The following PIEZO2 variants were observed in gnomAD, a reference collection of about 807,000 sequenced individuals.
PIEZO2 encodes piezo-type mechanosensitive ion channel component 2.
Under a neutral mutation model 337.3 loss-of-function variants are expected in PIEZO2, and 172 were observed. The ratio of observed to expected loss-of-function variants is 0.51; its 90% CI spans 0.45 to 0.58. The LOEUF (loss-of-function observed/expected upper bound fraction) is 0.58. Among genes scored for constraint, PIEZO2 ranks in the 20% least tolerant of loss-of-function variants. The probability of loss-of-function intolerance (pLI) is 0.00; values close to 1 mark genes in which losing one functional copy is unlikely to be tolerated. For synonymous variants in PIEZO2, 1,251 were observed against 1,228.5 expected, an observed-to-expected ratio of 1.02 and a Z score of -0.38; for missense variants, 3,028 against 3,391.3, an observed-to-expected ratio of 0.89 and a Z score of 2.66.
chr18:11,018,382 C>CGTGTGTGTGTGTGTGT lies in PIEZO2; in HGVS notation c.161-38738_161-38723dup, dbSNP rs376013388. On this transcript the variant is annotated intron_variant, in intron 2 of 55. Transcript: ENST00000674853. Reference sequence around the variant, plus strand: ...CTGGGGGTTAGGACTCCCAACATGTCGTGTGTGTGTGTGTGTGTGTGTGTG... The same window carrying CGTGTGTGTGTGTGTGT: ...CTGGGGGTTAGGACTCCCAACATGTCGTGTGTGTGTGTGTGTGTGTGTGTGTGTGTGTGTGTGTGTG... Among the ~76,000 whole-genome samples, 57 of 114,198 alleles carry CGTGTGTGTGTGTGTGT rather than the reference C, an allele frequency of 5.0e-4. No homozygotes were observed. In the East Asian group the frequency reaches 6.3e-3, roughly 13 times the overall value. 74.9% of individuals were successfully genotyped at this position (114,198 alleles called of 152,430 possible).
chr18:11,105,617 A>AGTCT lies in PIEZO2; in HGVS notation c.65-39399_65-39396dup, dbSNP rs1208226512. On this transcript the variant is annotated intron_variant, in intron 1 of 55. Coordinates refer to ENST00000674853, the MANE Select transcript of PIEZO2 (RefSeq NM_001378183.1). This position sits in a 1 kb window ranked among gnomAD's most constrained non-coding sequence, Gnocchi z 4.3. Reference sequence around the variant, plus strand: ...ACTATAATCACCTGCACAGTGCTGGAGTCTGACCACATGGTCCCACAGAAG... The same window carrying AGTCT: ...ACTATAATCACCTGCACAGTGCTGGAGTCTGTCTGACCACATGGTCCCACAGAAG... Among the ~76,000 whole-genome samples, 1 of 152,116 alleles carries AGTCT rather than the reference A, an allele frequency of 6.6e-6. No individual in the cohort carries two copies. Among genetic ancestry groups the AGTCT allele is most frequent in the African/African-American group, 2.4e-5 (1 of 41,404 alleles).
At position 10,767,936 on chromosome 18, in the gene PIEZO2, C is replaced by A. The variant is rs1463112390; in HGVS notation, c.2946+2212G>T. 6.6e-6 allele frequency among the ~76,000 whole-genome samples: 1 copy of A among 152,216 alleles called. No individual in the cohort carries two copies. Among genetic ancestry groups the A allele is most frequent in the African/African-American group, 2.4e-5 (1 of 41,464 alleles). ...CCAGTTGCCAGCCCAGAGCGTGAGG[C>A]CATCATGGGATGGCACAGGCCAAGT... On this transcript the variant is annotated intron_variant, in intron 21 of 55. Transcript: ENST00000674853. This position sits in a 1 kb window ranked among gnomAD's most constrained non-coding sequence, Gnocchi z 4.2.
intron 2 of PIEZO2, among the ~76,000 whole-genome samples, chr18:11,065,553 C>T (rs1318501623): frequency 6.6e-6 from 1 of 152,138 alleles, no homozygotes; most frequent in African/African-American, 2.4e-5. Flanking sequence ...TATAGAGTAA[C>T]CAGAATGGGA....
At position 11,111,999 on chromosome 18, in the gene PIEZO2, T is replaced by C. The variant is rs1318612048; in HGVS notation, c.64+36526A>G. 6.6e-6 allele frequency among the ~76,000 whole-genome samples: 1 copy of C among 152,108 alleles called. No individual in the cohort carries two copies. Among genetic ancestry groups the C allele is most frequent in the Non-Finnish European group, 1.5e-5 (1 of 68,006 alleles). Reference sequence around the variant, plus strand: ...GGTTCTGACTTAAGAGGGAAAATGGTAGGGGAGCCGTGAATGAAGTTTCAT... The same window carrying C: ...GGTTCTGACTTAAGAGGGAAAATGGCAGGGGAGCCGTGAATGAAGTTTCAT... On this transcript the variant is annotated intron_variant, in intron 1 of 55. Transcript: ENST00000674853. This position sits in a 1 kb window ranked among gnomAD's most constrained non-coding sequence, Gnocchi z 6.2.
In PIEZO2 at chr18:10,888,409, AAG is replaced by A. The variant is rs1352212361; in HGVS notation, c.330-16996_330-16995del. Among the ~76,000 whole-genome samples the A allele has an allele frequency of 1.3e-5, 2 of 152,068 alleles. No homozygotes were observed. Among genetic ancestry groups the A allele is most frequent in the African/African-American group, 4.8e-5 (2 of 41,390 alleles). ...GCCTGTCTTCTACTTTCTCTGCTCC[AAG>A]CCTTTCTACTCTCTGGGCTCCATTC... is the stretch of plus-strand genomic sequence containing the variant. On this transcript the variant is annotated intron_variant, in intron 4 of 55. Coordinates refer to ENST00000674853, the MANE Select transcript of PIEZO2 (RefSeq NM_001378183.1). This position sits in a 1 kb window ranked among gnomAD's most constrained non-coding sequence, Gnocchi z 4.1.
At chr18:10,791,156 T>C in intron 14 of PIEZO2, 45 bp downstream of exon 14, 2 of 1,478,604 alleles carry the variant, frequency 1.4e-6, no homozygotes, top group African/African-American at 1.4e-5. Flanking sequence ...CTCTGTAATT[T>C]TGCTGAGCAC....
At position 10,705,431 on chromosome 18, in the gene PIEZO2, T is replaced by C; in HGVS notation, c.5904A>G (p.Ala1968=). ...QDDSAGKNRM[A]VSPDDSRTDK... is the part of the protein sequence containing the mutation. ...CGGTGCGGCTGTCGTCCGGGCTGAC[T>C]GCCATACGGTTCTTGCCTGCAGAGT... The change falls in exon 41 of 56, where the codon GCA becomes GCG. Residue 1968 remains alanine, a synonymous_variant. Coordinates refer to ENST00000674853, the MANE Select transcript of PIEZO2 (RefSeq NM_001378183.1). The C allele has an allele frequency of 6.5e-7, 1 of 1,537,252 alleles. No individual in the cohort carries two copies.
rs2052715704 is a variant in PIEZO2 at position 11,009,543 on chromosome 18, A to G, written c.161-29883T>C. Among the ~76,000 whole-genome samples the G allele has an allele frequency of 6.6e-6, 1 of 152,232 alleles. No individual in the cohort carries two copies. The highest frequency in any genetic ancestry group is 2.4e-5 in the African/African-American group (1 of 41,472). On this transcript the variant is annotated intron_variant, in intron 2 of 55. Transcript: ENST00000674853. The surrounding 1 kb of genome is among the most constrained non-coding windows in gnomAD (Gnocchi z 4.6). ...TGAGAGTAGCAGCACCTTTCTTCTT[A>G]TTAAACATTTAAGTAAGTCTCACTT...
At chr18:10,997,237 C>T (rs1270900314) in intron 2 of PIEZO2, among the ~76,000 whole-genome samples, 1 of 148,906 alleles carries the variant, frequency 6.7e-6, no homozygotes, top group South Asian at 2.1e-4. Context: ...ACCAGATTGA[C>T]TGCCTGCAAA....
At chr18:10,898,382 G>C (rs1306212335) in intron 4 of PIEZO2, among the ~76,000 whole-genome samples, 8 of 151,750 alleles carry the variant, frequency 5.3e-5, no homozygotes, top group East Asian at 1.9e-4. Context: ...AATTGCGCCA[G>C]TGCACTCCAG....
In PIEZO2 at chr18:11,128,717, T is replaced by C. The variant is rs2040257217; in HGVS notation, c.64+19808A>G. On this transcript the variant is annotated intron_variant, in intron 1 of 55. Transcript: ENST00000674853. This position sits in a 1 kb window ranked among gnomAD's most constrained non-coding sequence, Gnocchi z 4.1. ...AGCCTCCCCCAACACCTCTGTTTGC[T>C]TCTAGACCTATAAATAGACTAAAGT... Among the ~76,000 whole-genome samples the C allele has an allele frequency of 6.6e-6, 1 of 152,172 alleles. No homozygotes were observed. The highest frequency in any genetic ancestry group is 6.5e-5 in the Admixed American group (1 of 15,278).
In PIEZO2 at chr18:11,109,731, A is replaced by G. The variant is rs116180037; in HGVS notation, c.64+38794T>C. On this transcript the variant is annotated intron_variant, in intron 1 of 55. Coordinates refer to ENST00000674853, the MANE Select transcript of PIEZO2 (RefSeq NM_001378183.1). The surrounding 1 kb of genome is among the most constrained non-coding windows in gnomAD (Gnocchi z 5.1). ...AGACTCCATCTCAAAAAAAAAAGGT[A>G]CTAGAAACAGAATCCTTAATGCTAA... Among the ~76,000 whole-genome samples the G allele has an allele frequency of 0.011, 1,662 of 152,158 alleles. 24 individuals are homozygous for G. Among genetic ancestry groups the G allele is most frequent in the African/African-American group, 0.038 (1,558 of 41,506 alleles).
intron 27 of PIEZO2, among the ~76,000 whole-genome samples, 163 bp from the exon 28 acceptor site, chr18:10,753,042 G>C (rs562657029): frequency 5.3e-5 from 8 of 152,204 alleles, no homozygotes; most frequent in African/African-American, 1.7e-4. Flanking sequence ...CCCTCAAATA[G>C]TTAGTAATAG....
intron 4 of PIEZO2, among the ~76,000 whole-genome samples, chr18:10,885,745 G>A (rs2042561320): frequency 6.6e-6 from 1 of 152,072 alleles, no homozygotes; most frequent in Non-Finnish European, 1.5e-5. Flanking sequence ...TTCGCTTCTC[G>A]CTTTCCTGAA....
chr18:10,701,577 G>C (rs1215307929), intron 43 of PIEZO2, among the ~76,000 whole-genome samples: 2 of 152,240 alleles, frequency 1.3e-5, no homozygotes, highest in Non-Finnish European at 2.9e-5. Flanking sequence ...ATGGAGATGA[G>C]ACAATATGAT....
rs1441834935 is a variant in PIEZO2 at position 10,757,523 on chromosome 18, GATGGGGATGAGGATGAGCT to G, written c.3923+427_3923+445del. On this transcript the variant is annotated intron_variant, in intron 27 of 55. Coordinates refer to ENST00000674853, the MANE Select transcript of PIEZO2 (RefSeq NM_001378183.1). ...GGAGAGACAGAAGATGAGGAGGAGG[GATGGGGATGAGGATGAGCT>G]ATGGGGATGAGGATGAGCTATGGGG... 7.1e-3 allele frequency among the ~76,000 whole-genome samples: 249 copies of G among 35,292 alleles called. 2 individuals are homozygous for G. The highest frequency in any genetic ancestry group is 1.9e-3 in the Non-Finnish European group (34 of 18,276). The allele number at this position is 35,292 out of a possible 152,430, so 23.2% of individuals were successfully genotyped here. A position where few individuals can be genotyped will look rare whatever the true frequency, so the allele number is the denominator to read the frequency against.
intron 3 of PIEZO2, among the ~76,000 whole-genome samples, chr18:10,971,791 T>A (rs1236038020): frequency 6.6e-6 from 1 of 152,146 alleles, no homozygotes; most frequent in African/African-American, 2.4e-5. Context: ...CAATTCTGCA[T>A]AAAATTTTCC....
In PIEZO2 at chr18:11,040,490, G is replaced by C. The variant is rs368467146; in HGVS notation, c.160+25637C>G. ...GCAATTCTGTGGTATAATTAAATTAGCTACATAAGGGGATGTTTTGTTGCT... is the reference window on the plus strand; with the variant it reads ...GCAATTCTGTGGTATAATTAAATTACCTACATAAGGGGATGTTTTGTTGCT... On this transcript the variant is annotated intron_variant, in intron 2 of 55. Coordinates refer to ENST00000674853, the MANE Select transcript of PIEZO2 (RefSeq NM_001378183.1). Among the ~76,000 whole-genome samples the C allele has an allele frequency of 2.6e-5, 4 of 152,310 alleles. No homozygotes were observed. The East Asian group carries it at 7.7e-4, about 29-fold the overall frequency.
chr18:11,114,428 G>A (rs560717541), intron 1 of PIEZO2, among the ~76,000 whole-genome samples: 1 of 152,332 alleles, frequency 6.6e-6, no homozygotes, highest in East Asian at 1.9e-4. Context: ...CACTTTGGGA[G>A]GCCGAGGCAG....
Sources: gnomAD v4.1 joint callset for allele counts (sites outside exome capture counted in the v4.1 genomes callset) on GRCh38, gnomAD v4.1.1 for gene constraint, Gnocchi (gnomAD v3.1) non-coding constraint, MANE v1.5 for transcripts, NCBI Gene and HGNC (gene_info 2026-07-23, HGNC 2026-07-21) for gene names.